Variants in KALRN observed in about 807,000 individuals in gnomAD.
The protein encoded by KALRN is kalirin.
Under a neutral mutation model 353.7 loss-of-function variants are expected in KALRN, and 70 were observed. The observed-to-expected ratio is 0.20, with a 90% CI of 0.16 to 0.24. KALRN has a LOEUF of 0.24. Ranked by LOEUF, KALRN falls within the 10% of genes least tolerant of loss-of-function variation. The probability of loss-of-function intolerance (pLI) is 1.00; values close to 1 mark genes in which losing one functional copy is unlikely to be tolerated. For synonymous variants in KALRN, 1,391 were observed against 1,434.8 expected, an observed-to-expected ratio of 0.97 and a Z score of 0.69; for missense variants, 2,791 against 3,756.7, an observed-to-expected ratio of 0.74 and a Z score of 6.72.
chr3:124,652,662 C>T (rs917259010), intron 38 of KALRN, among the ~76,000 whole-genome samples: 2 of 152,078 alleles, frequency 1.3e-5, no homozygotes, highest in East Asian at 1.9e-4. Context: ...CTGCAAGCTC[C>T]GCCTCCCGGG....
At chr3:124,150,116 G>A (rs1373097615) in intron 1 of KALRN, among the ~76,000 whole-genome samples, 2 of 152,134 alleles carry the variant, frequency 1.3e-5, no homozygotes, top group East Asian at 3.9e-4. Flanking sequence ...GTAAATATTA[G>A]GGTTGTTAAT....
At chr3:124,657,036 C>G (rs1378659445) in intron 39 of KALRN, among the ~76,000 whole-genome samples, 1 of 152,172 alleles carries the variant, frequency 6.6e-6, no homozygotes, top group Admixed American at 6.5e-5. Flanking sequence ...TGTCCAACCT[C>G]AAAACCTGAT....
chr3:124,673,257 C>T (rs1019354505), intron 48 of KALRN, among the ~76,000 whole-genome samples: 36 of 151,502 alleles, frequency 2.4e-4, no homozygotes, highest in Admixed American at 7.9e-4. Flanking sequence ...TAGCCAGGCA[C>T]GGTAGCATGC....
chr3:124,556,616 C>G (rs2071284180), intron 33 of KALRN, among the ~76,000 whole-genome samples: 1 of 152,194 alleles, frequency 6.6e-6, no homozygotes, highest in South Asian at 2.1e-4. Context: ...TGGAAACTGT[C>G]TATCCGCTCC....
At position 124,569,416 on chromosome 3, in the gene KALRN, C is replaced by T. The variant is rs917266788; in HGVS notation, c.5182+6327C>T. 3.9e-5 allele frequency among the ~76,000 whole-genome samples: 6 copies of T among 152,204 alleles called. No homozygotes were observed. The East Asian group carries it at 1.2e-3, about 29-fold the overall frequency. Reference sequence around the variant, plus strand: ...TGCCGGGCAAGTTTGATAATGTCGACTTGTGTTAAGTGTGTCACCAACTCA... The same window carrying T: ...TGCCGGGCAAGTTTGATAATGTCGATTTGTGTTAAGTGTGTCACCAACTCA... On this transcript the variant is annotated intron_variant, in intron 34 of 59. Coordinates refer to ENST00000682506, the MANE Select transcript of KALRN (RefSeq NM_001388419.1).
intron 57 of KALRN, among the ~76,000 whole-genome samples, chr3:124,702,466 G>A (rs113356724): frequency 7.2e-5 from 11 of 152,074 alleles, no homozygotes; most frequent in African/African-American, 2.7e-4. Flanking sequence ...TCTTTGACCT[G>A]GTTATAATGG....
chr3:124,373,286 C>T (rs947906510), intron 10 of KALRN, among the ~76,000 whole-genome samples: 1 of 152,104 alleles, frequency 6.6e-6, no homozygotes, highest in African/African-American at 2.4e-5. Flanking sequence ...TGTCTCCCCC[C>T]GACTTCTACC....
chr3:124,356,650 T>C (rs1046359081), intron 10 of KALRN, among the ~76,000 whole-genome samples: 1 of 152,198 alleles, frequency 6.6e-6, no homozygotes, highest in Admixed American at 6.5e-5. Context: ...CAGGTCTTAA[T>C]TGACTGTTCT....
Position 124,650,896 on chromosome 3 carries a change from A to C in KALRN, c.5753A>C (p.Asn1918Thr). 2 of 1,614,178 alleles carry C rather than the reference A, an allele frequency of 1.2e-6. No homozygotes were observed. The highest frequency in any genetic ancestry group is 8.5e-7 in the Non-Finnish European group (1 of 1,180,026). Residue 1918 changes from asparagine (N) to threonine (T), a missense_variant, in exon 38 of 60, where the codon AAC becomes ACC. Physicochemically the swap from Asn to Thr is moderately conservative, Grantham distance 65 (BLOSUM62 0). Transcript: ENST00000682506. ...EGMAPPTPPKNPEEEQKAKAL... is the reference protein window; with the variant it reads ...EGMAPPTPPKTPEEEQKAKAL... ...ATGGCCCCACCCACACCTCCTAAAA[A>C]CCCAGAAGAAGAACAGAAAGCCAAG...
chr3:124,110,466 C>CGT (rs1213328176), intron 1 of KALRN, among the ~76,000 whole-genome samples: 12 of 45,570 alleles, frequency 2.6e-4, no homozygotes, highest in South Asian at 1.3e-3. Context: ...TATACACACG[C>CGT]GCGCACACAC....
At chr3:124,706,388 C>T (rs1280835468) in intron 57 of KALRN, among the ~76,000 whole-genome samples, 2 of 152,212 alleles carry the variant, frequency 1.3e-5, no homozygotes, top group Admixed American at 1.3e-4. Flanking sequence ...GCCAGGGTTT[C>T]ACCCTCTAGG....
At chr3:124,471,256 T>TTTTTTATTATTA (rs377604411) in intron 25 of KALRN, among the ~76,000 whole-genome samples, 173 of 138,802 alleles carry the variant, frequency 1.2e-3, no homozygotes, top group Middle Eastern at 0.011. Flanking sequence ...CCCACAAAGT[T>TTTTTTATTATTA]TTATTATTAT....
chr3:124,269,376 G>GT, intron 5 of KALRN, 121 bp downstream of exon 5: 2 of 1,077,826 alleles, frequency 1.9e-6, no homozygotes, highest in Non-Finnish European at 2.6e-6. Context: ...GTGCCTACTA[G>GT]TTTTAGCTAA....
chr3:124,117,211 G>C (rs1024254688), intron 1 of KALRN, among the ~76,000 whole-genome samples: 1 of 152,150 alleles, frequency 6.6e-6, no homozygotes, highest in African/African-American at 2.4e-5. Context: ...TCAGCTCAGA[G>C]GGAGAGAAGG....
intron 1 of KALRN, among the ~76,000 whole-genome samples, chr3:124,063,435 C>T (rs1419242766): frequency 6.6e-6 from 1 of 151,976 alleles, no homozygotes; most frequent in Non-Finnish European, 1.5e-5. Context: ...GGGTATTCAC[C>T]CTTGGTGCCT....
intron 1 of KALRN, among the ~76,000 whole-genome samples, chr3:124,195,956 A>G (rs2075384785): frequency 1.3e-5 from 2 of 152,182 alleles, no homozygotes. Context: ...AACACCAGGG[A>G]TCTTTCATCA....
intron 6 of KALRN, among the ~76,000 whole-genome samples, chr3:124,300,488 A>G (rs760735627): frequency 5.9e-5 from 9 of 152,214 alleles, no homozygotes; most frequent in African/African-American, 9.6e-5. Context: ...CAGTCTTGCC[A>G]GGCAAAGCAT....
At chr3:124,365,935 G>GTT (rs1015741904) in intron 10 of KALRN, among the ~76,000 whole-genome samples, 1 of 152,186 alleles carries the variant, frequency 6.6e-6, no homozygotes, top group Non-Finnish European at 1.5e-5. Flanking sequence ...AATTTGACAT[G>GTT]TTTCTTACTT....
chr3:124,472,725 C>T (rs1283811793), intron 25 of KALRN, among the ~76,000 whole-genome samples: 1 of 151,902 alleles, frequency 6.6e-6, no homozygotes, highest in Non-Finnish European at 1.5e-5. Flanking sequence ...TTATATAGCA[C>T]TTTTTAAAAT....
Sources: allele counts gnomAD v4.1 joint callset (sites outside exome capture counted in the v4.1 genomes callset), GRCh38; gene constraint gnomAD v4.1.1; transcripts MANE v1.5; gene names NCBI Gene and HGNC (gene_info 2026-07-23, HGNC 2026-07-21).